The following VSIR variants were observed in gnomAD, a reference collection of about 807,000 sequenced individuals.
VSIR encodes V-set immunoregulatory receptor.
VSIR carries 10 observed loss-of-function variants against 31.0 expected under a neutral mutation model. The observed-to-expected ratio is 0.32, with a 90% CI of 0.20 to 0.55. VSIR has a LOEUF of 0.55. Among genes scored for constraint, VSIR ranks in the 20% least tolerant of loss-of-function variants. VSIR has a pLI of 0.93. For synonymous variants in VSIR, 179 were observed against 180.1 expected (o/e 0.99, Z 0.05); for missense variants, 356 against 416.2 (o/e 0.86, Z 1.26).
At chr10:71,759,868 TATATACACACACACAC>T (rs1840264170) in intron 3 of VSIR, among the ~76,000 whole-genome samples, 2 of 95,862 alleles carry the variant, frequency 2.1e-5, no homozygotes, top group Non-Finnish European at 4.7e-5. Flanking sequence ...CACACACATA[TATATACACACACACAC>T]ATATACACAC....
chr10:71,751,593 T>C lies in VSIR; in HGVS notation c.898+75A>G. 6.8e-7 allele frequency: 1 copy of C among 1,464,712 alleles called. No individual in the cohort carries two copies. The highest frequency in any genetic ancestry group is 9.1e-7 in the Non-Finnish European group (1 of 1,097,210). The allele number at this position is 1,464,712 out of a possible 1,614,324, so 90.7% of individuals were successfully genotyped here. A position where few individuals can be genotyped will look rare whatever the true frequency, so the allele number is the denominator to read the frequency against. On this transcript the variant is annotated intron_variant, in intron 6 of 6. Coordinates refer to ENST00000394957, the MANE Select transcript of VSIR (RefSeq NM_022153.2). The surrounding 1 kb of genome is among the most constrained non-coding windows in gnomAD (Gnocchi z 4.9). ...GGAACTCTTCAGGGAGGGCAGGGAG[T>C]GAGGCCGATGCCCTGCAGGCCATGA... is the stretch of plus-strand genomic sequence containing the variant.
intron 1 of VSIR, among the ~76,000 whole-genome samples, chr10:71,769,868 G>C (rs948751894): frequency 6.6e-6 from 1 of 152,218 alleles, no homozygotes; most frequent in Non-Finnish European, 1.5e-5. Flanking sequence ...TGAATGGACC[G>C]AATGTAAAAA....
Position 71,751,377 on chromosome 10 carries a change from G to T in VSIR, c.899-87C>A, listed in dbSNP as rs999052671. 1.9e-6 allele frequency: 2 copies of T among 1,030,656 alleles called. No individual in the cohort carries two copies. The highest frequency in any genetic ancestry group is 1.7e-5 in the African/African-American group (1 of 60,066). The allele number at this position is 1,030,656 out of a possible 1,614,324, so 63.8% of individuals were successfully genotyped here. ...CCGTGAGGCCGTGGAACTCTTCAGG[G>T]AGGTGAATGGGGGCCCCTCTGTCCC... On this transcript the variant is annotated intron_variant, in intron 6 of 6. Coordinates refer to ENST00000394957, the MANE Select transcript of VSIR (RefSeq NM_022153.2). This position sits in a 1 kb window ranked among gnomAD's most constrained non-coding sequence, Gnocchi z 4.9.
intron 3 of VSIR, among the ~76,000 whole-genome samples, chr10:71,758,246 G>A (rs948391009): frequency 6.6e-6 from 1 of 152,220 alleles, no homozygotes; most frequent in Non-Finnish European, 1.5e-5. Flanking sequence ...TAGCCTTTGA[G>A]TTGGGTTTTG....
intron 3 of VSIR, among the ~76,000 whole-genome samples, chr10:71,759,628 G>A (rs1254416491): frequency 6.6e-6 from 1 of 151,754 alleles, no homozygotes; most frequent in Non-Finnish European, 1.5e-5. Flanking sequence ...CCAACATGGT[G>A]AAACCCCAGC....
rs1256722262 is a variant in VSIR at position 71,773,520 on chromosome 10, T to G, written c.-81A>C. ...CCGGCGCGGGGAAGCCTCCCGCGAC[T>G]GAGTGCGAGCGAGTGAGCGCTGCGG... On this transcript the variant is annotated 5_prime_UTR_variant, in exon 1 of 7. Transcript: ENST00000394957. The G allele has an allele frequency of 3.6e-6, 5 of 1,388,806 alleles. No homozygotes were observed. In the South Asian group the frequency reaches 5.1e-5, roughly 14 times the overall value. 86.0% of individuals were successfully genotyped at this position (1,388,806 alleles called of 1,614,324 possible). A position where few individuals can be genotyped will look rare whatever the true frequency, so the allele number is the denominator to read the frequency against.
Position 71,761,779 on chromosome 10 carries a change from G to A in VSIR, c.330C>T (p.Ser110=), listed in dbSNP as rs371440777. ...GCCCGTGGCGCTGAGCCAGGTCGTG[G>A]CTGGTGTTGGCAGCCTGGTGGCCTC... is the stretch of plus-strand genomic sequence containing the variant. The part of the protein sequence containing the change: ...HHGGHQAANT[S]HDLAQRHGLE... Residue 110 remains serine (S), a synonymous_variant, in exon 2 of 7, where the codon AGC becomes AGT. Transcript: ENST00000394957. The A allele has an allele frequency of 1.9e-6, 3 of 1,614,154 alleles. No homozygotes were observed. Among genetic ancestry groups the A allele is most frequent in the African/African-American group, 2.7e-5 (2 of 75,066 alleles).
At chr10:71,758,342 C>G (rs1166712639) in intron 3 of VSIR, among the ~76,000 whole-genome samples, 1 of 152,196 alleles carries the variant, frequency 6.6e-6, no homozygotes, top group Non-Finnish European at 1.5e-5. Context: ...CAGGGCCTAG[C>G]AGGGGCTGGT....
chr10:71,752,658 C>T (rs969564993), intron 5 of VSIR, among the ~76,000 whole-genome samples: 6 of 152,168 alleles, frequency 3.9e-5, no homozygotes, highest in African/African-American at 1.4e-4. Flanking sequence ...GGGGCTGGGC[C>T]CGCTGGCCTC....
Position 71,761,903 on chromosome 10 carries a change from T to C in VSIR, c.206A>G (p.Tyr69Cys). 6.2e-7 allele frequency: 1 copy of C among 1,614,070 alleles called. No individual in the cohort carries two copies. Among genetic ancestry groups the C allele is most frequent in the Non-Finnish European group, 8.5e-7 (1 of 1,180,018 alleles). The stretch of plus-strand genomic sequence containing the variant: ...CCTCGAGCTGCGGTACCACGTCTTG[T>C]AGAAGGTCACATCGTGCCCTTTGTC... ...PVDKGHDVTFYKTWYRSSRGE... is the reference protein window; with the variant it reads ...PVDKGHDVTFCKTWYRSSRGE... The change falls in exon 2 of 7, where the codon TAC becomes TGC. Residue 69 changes from tyrosine (Y) to cysteine (C), a missense_variant. Coordinates refer to ENST00000394957, the MANE Select transcript of VSIR (RefSeq NM_022153.2).
chr10:71,769,551 G>T (rs527307673), intron 1 of VSIR, among the ~76,000 whole-genome samples: 1 of 152,342 alleles, frequency 6.6e-6, no homozygotes, highest in South Asian at 2.1e-4. Flanking sequence ...ATAAGCAAAT[G>T]ACTGAAGCTA....
chr10:71,760,166 TAC>T lies in VSIR; in HGVS notation c.568+700_568+701del, dbSNP rs1253504393. The stretch of plus-strand genomic sequence containing the variant: ...ATATATGTGTGTATATATATGTATA[TAC>T]ATATATATGTGTGTATATATATGTA... On this transcript the variant is annotated intron_variant, in intron 3 of 6. Coordinates refer to ENST00000394957, the MANE Select transcript of VSIR (RefSeq NM_022153.2). Among the ~76,000 whole-genome samples, 3 of 26,598 alleles carry T rather than the reference TAC, an allele frequency of 1.1e-4. 1 individual carries two copies. The highest frequency in any genetic ancestry group is 6.2e-4 in the African/African-American group (3 of 4,844). 17.4% of individuals were successfully genotyped at this position (26,598 alleles called of 152,430 possible).
intron 3 of VSIR, among the ~76,000 whole-genome samples, chr10:71,760,167 ACATATATATG>A (rs766613446): frequency 0.09 from 2,115 of 23,520 alleles, 298 homozygotes; most frequent in Middle Eastern, 0.27. Context: ...ATATGTATAT[ACATATATATG>A]TGTGTATATA....
rs867056335 is a variant in VSIR, at chr10:71,759,915, A to G, written c.568+953T>C. The stretch of plus-strand genomic sequence containing the variant: ...CACACACACATATATACACACACAC[A>G]TATATACACACACACATATATACAC... On this transcript the variant is annotated intron_variant, in intron 3 of 6. Coordinates refer to ENST00000394957, the MANE Select transcript of VSIR (RefSeq NM_022153.2). 7.6e-3 allele frequency among the ~76,000 whole-genome samples: 540 copies of G among 70,630 alleles called. 28 individuals carry two copies. The highest frequency in any genetic ancestry group is 0.013 in the African/African-American group (291 of 22,528). The allele number at this position is 70,630 out of a possible 152,430, so 46.3% of individuals were successfully genotyped here.
chr10:71,768,295 C>T (rs890934217), intron 1 of VSIR, among the ~76,000 whole-genome samples: 3 of 152,118 alleles, frequency 2.0e-5, no homozygotes, highest in African/African-American at 4.8e-5. Flanking sequence ...CTCAGCCTCC[C>T]GAGTAGCTGG....
chr10:71,773,117 T>C (rs1397605627), intron 1 of VSIR, among the ~76,000 whole-genome samples: 1 of 152,234 alleles, frequency 6.6e-6, no homozygotes, highest in Non-Finnish European at 1.5e-5. Context: ...GGGACAGCCC[T>C]GCCTGCCACT....
At chr10:71,769,702 T>A (rs1440352241) in intron 1 of VSIR, among the ~76,000 whole-genome samples, 1 of 152,182 alleles carries the variant, frequency 6.6e-6, no homozygotes, top group African/African-American at 2.4e-5. Flanking sequence ...GAGGCAGGGT[T>A]TGACCCCAGG....
chr10:71,757,873 C>G (rs1840191174), intron 3 of VSIR, among the ~76,000 whole-genome samples: 2 of 152,178 alleles, frequency 1.3e-5, no homozygotes, highest in African/African-American at 4.8e-5. Context: ...AGATGAGCTG[C>G]CTAGACCCCT....
intron 4 of VSIR, among the ~76,000 whole-genome samples, chr10:71,753,369 T>C (rs1475549567): frequency 6.6e-6 from 1 of 152,272 alleles, no homozygotes; most frequent in Non-Finnish European, 1.5e-5. Context: ...AGGTCAACTC[T>C]TGAATTTGCT....
Sources: allele counts gnomAD v4.1 joint callset (sites outside exome capture counted in the v4.1 genomes callset), GRCh38; gene constraint gnomAD v4.1.1; non-coding constraint Gnocchi (gnomAD v3.1); transcripts MANE v1.5; gene names NCBI Gene and HGNC (gene_info 2026-07-23, HGNC 2026-07-21).